BMPR1A: variants seen among roughly 807,000 people sequenced by gnomAD.
BMPR1A encodes bone morphogenetic protein receptor type 1A, also known as bone morphogenetic protein receptor type-1A.
In BMPR1A, 7 loss-of-function variants were observed where a neutral mutation model predicts 66.0. The ratio of observed to expected loss-of-function variants is 0.11; its 90% CI spans 0.06 to 0.20. The LOEUF (loss-of-function observed/expected upper bound fraction) is 0.20, where lower values mean the gene tolerates loss of function less well. BMPR1A is among the 10% of genes least tolerant of loss of function. The probability of loss-of-function intolerance (pLI) is 1.00; values close to 1 mark genes in which losing one functional copy is unlikely to be tolerated. For missense variants in BMPR1A, 408 were observed against 669.1 expected (o/e 0.61, Z 4.31); for synonymous variants, 200 against 229.7 (o/e 0.87, Z 1.17).
chr10:86,866,204 A>G (rs1842782541), intron 2 of BMPR1A, among the ~76,000 whole-genome samples: 1 of 150,766 alleles, frequency 6.6e-6, no homozygotes, highest in South Asian at 2.1e-4. Flanking sequence ...AGCAGAATCT[A>G]TAGATAGAAG....
chr10:86,884,986 C>CA (rs1843051384), intron 3 of BMPR1A, among the ~76,000 whole-genome samples: 3 of 152,170 alleles, frequency 2.0e-5, no homozygotes, highest in Non-Finnish European at 4.4e-5. Flanking sequence ...CCTAATCATT[C>CA]ACATATCCTA....
chr10:86,903,759 C>T (rs1220329161), intron 7 of BMPR1A, among the ~76,000 whole-genome samples: 2 of 151,894 alleles, frequency 1.3e-5, no homozygotes, highest in Non-Finnish European at 1.5e-5. Flanking sequence ...CTACAGGCAC[C>T]TGCCACCATG....
intron 2 of BMPR1A, among the ~76,000 whole-genome samples, chr10:86,847,006 C>T (rs535489995): frequency 6.6e-6 from 1 of 152,190 alleles, no homozygotes; most frequent in East Asian, 1.9e-4. Context: ...TGGAGTCTCG[C>T]TCTGCTCTCT....
At chr10:86,793,569 G>T (rs1235849383) in intron 1 of BMPR1A, among the ~76,000 whole-genome samples, 4 of 151,910 alleles carry the variant, frequency 2.6e-5, no homozygotes, top group Admixed American at 6.6e-5. Context: ...TCATCATATT[G>T]ATCAGGCTGG....
intron 7 of BMPR1A, among the ~76,000 whole-genome samples, chr10:86,904,985 T>C (rs1351719043): frequency 6.6e-6 from 1 of 152,094 alleles, no homozygotes; most frequent in Non-Finnish European, 1.5e-5. Flanking sequence ...AGTTGAACTT[T>C]AACAAGTCAC....
intron 2 of BMPR1A, among the ~76,000 whole-genome samples, chr10:86,863,523 A>G (rs1842740655): frequency 6.6e-6 from 1 of 152,172 alleles, no homozygotes; most frequent in Non-Finnish European, 1.5e-5. Context: ...ATTGGCTCTT[A>G]AGAGTTCCAA....
intron 2 of BMPR1A, chr10:86,855,668 C>T: frequency 1.4e-6 from 1 of 695,218 alleles, no homozygotes; most frequent in Non-Finnish European, 2.6e-6. Context: ...ATCTAATTTG[C>T]AATTGCCTAA....
chr10:86,883,665 G>A (rs966714039), intron 3 of BMPR1A, among the ~76,000 whole-genome samples: 2 of 152,012 alleles, frequency 1.3e-5, no homozygotes, highest in Non-Finnish European at 1.5e-5. Flanking sequence ...AGCTACTTGG[G>A]AGGCTGAGGC....
chr10:86,892,110 G>GT lies in BMPR1A; in HGVS notation c.231-10dup, dbSNP rs747206781. On this transcript the variant is annotated splice_polypyrimidine_tract_variant and intron_variant, in intron 4 of 12. Coordinates refer to ENST00000372037, the MANE Select transcript of BMPR1A (RefSeq NM_004329.3). ...GTGAATTTATGTTTTGTTTTGTTTT[G>GT]TTTTTTTCTGTTTTAGAACTAATGG... 2.3e-5 allele frequency: 37 copies of GT among 1,591,538 alleles called. No individual in the cohort carries two copies. Among genetic ancestry groups the GT allele is most frequent in the Middle Eastern group, 1.7e-4 (1 of 6,006 alleles).
At position 86,912,331 on chromosome 10, in the gene BMPR1A, G is replaced by A; in HGVS notation, c.622G>A (p.Asp208Asn). Residue 208 changes from aspartate to asparagine, a missense_variant, in exon 8 of 13, where the codon GAC (aspartate) becomes AAC (asparagine). Coordinates refer to ENST00000372037, the MANE Select transcript of BMPR1A (RefSeq NM_004329.3). ...TATTCCAGTTGGAGAATCACTAAAA[G>A]ACCTTATTGACCAGTCACAAAGTTC... ...AFIPVGESLK[D>N]LIDQSQSSGS... 1.2e-6 allele frequency: 2 copies of A among 1,614,006 alleles called. No homozygotes were observed. Among genetic ancestry groups the A allele is most frequent in the Non-Finnish European group, 1.7e-6 (2 of 1,179,986 alleles).
chr10:86,864,957 TTCTC>T (rs970092219), intron 2 of BMPR1A, among the ~76,000 whole-genome samples: 1 of 152,000 alleles, frequency 6.6e-6, no homozygotes, highest in Admixed American at 6.6e-5. Flanking sequence ...ACACCGCCCA[TTCTC>T]TCTCCATACC....
intron 9 of BMPR1A, among the ~76,000 whole-genome samples, chr10:86,918,128 C>T (rs1843604691): frequency 6.6e-6 from 1 of 152,140 alleles, no homozygotes; most frequent in Non-Finnish European, 1.5e-5. Flanking sequence ...ATCAGGTGGC[C>T]TTCTCCCTGG....
In BMPR1A at chr10:86,906,709, G is replaced by A. The variant is rs1423232827; in HGVS notation, c.531-5531G>A. Among the ~76,000 whole-genome samples the A allele has an allele frequency of 1.0e-4, 2 of 19,218 alleles. 1 individual carries two copies. The highest frequency in any genetic ancestry group is 1.3e-4 in the Non-Finnish European group (2 of 14,972). 12.6% of individuals were successfully genotyped at this position (19,218 alleles called of 152,430 possible). A position where few individuals can be genotyped will look rare whatever the true frequency, so the allele number is the denominator to read the frequency against. On this transcript the variant is annotated intron_variant, in intron 7 of 12. Coordinates refer to ENST00000372037, the MANE Select transcript of BMPR1A (RefSeq NM_004329.3). ...ACTGCACTCCAGCCTGGGCGACAGA[G>A]TGAGACTCCGTCTCAAAAAAAAAAA... is the stretch of plus-strand genomic sequence containing the variant.
intron 5 of BMPR1A, among the ~76,000 whole-genome samples, chr10:86,896,885 T>C (rs1056121760): frequency 1.1e-4 from 16 of 152,302 alleles, no homozygotes; most frequent in Admixed American, 4.6e-4. Flanking sequence ...TATCTAACTT[T>C]CTGTATTTCT....
intron 1 of BMPR1A, among the ~76,000 whole-genome samples, chr10:86,834,365 C>T (rs1030204519): frequency 6.6e-6 from 1 of 152,150 alleles, no homozygotes; most frequent in African/African-American, 2.4e-5. Flanking sequence ...TTCAATACTT[C>T]ACAACAGCAA....
chr10:86,815,283 C>T (rs767514185), intron 1 of BMPR1A, among the ~76,000 whole-genome samples: 6 of 152,166 alleles, frequency 3.9e-5, no homozygotes, highest in Non-Finnish European at 7.3e-5. Flanking sequence ...ACTACTGCCC[C>T]TCACTTTTAT....
At chr10:86,881,559 C>T (rs1348075630) in intron 3 of BMPR1A, among the ~76,000 whole-genome samples, 1 of 152,200 alleles carries the variant, frequency 6.6e-6, no homozygotes, top group South Asian at 2.1e-4. Flanking sequence ...TGCATTTCAG[C>T]GCTCAATAGA....
intron 2 of BMPR1A, among the ~76,000 whole-genome samples, chr10:86,852,775 T>TTCTTTACAAAGGTTATCTCATTTAA (rs1842588917): frequency 6.6e-6 from 1 of 152,224 alleles, no homozygotes; most frequent in Admixed American, 6.5e-5. Flanking sequence ...CCGTTCCATG[T>TTCTTTACAAAGGTTATCTCATTTAA]TCTTTACAAA....
rs552405249 is a variant in BMPR1A, at chr10:86,858,227, T to C, written c.-152-17640T>C. On this transcript the variant is annotated intron_variant, in intron 2 of 12. Coordinates refer to ENST00000372037, the MANE Select transcript of BMPR1A (RefSeq NM_004329.3). ...TCCATGATGAAACCTCTCAGCAAAC[T>C]AGGAAGGGAACTTCCTTAATGTGAT... Among the ~76,000 whole-genome samples, 5 of 152,332 alleles carry C rather than the reference T, an allele frequency of 3.3e-5. No individual in the cohort carries two copies. The South Asian group carries it at 1.0e-3, about 32-fold the overall frequency.
Sources: allele counts gnomAD v4.1 joint callset (sites outside exome capture counted in the v4.1 genomes callset), GRCh38; gene constraint gnomAD v4.1.1; transcripts MANE v1.5; gene names NCBI Gene and HGNC (gene_info 2026-07-23, HGNC 2026-07-21).